The following THSD4 variants were observed in gnomAD, a reference collection of about 807,000 sequenced individuals.
THSD4 encodes the protein thrombospondin type 1 domain containing 4.
A neutral mutation model predicts 119.0 loss-of-function variants in THSD4; 69 were observed. That is an observed-to-expected ratio of 0.58 (90% CI 0.48 to 0.71). The LOEUF (loss-of-function observed/expected upper bound fraction) is 0.71, where lower values mean the gene tolerates loss of function less well. THSD4 is among the 30% of genes least tolerant of loss of function. THSD4 has a pLI of 0.00. For missense variants in THSD4, 1,393 were observed against 1,391.1 expected (o/e 1.00, Z -0.02); for synonymous variants, 524 against 540.4 (o/e 0.97, Z 0.42).
At chr15:71,445,046 C>T (rs536002672) in intron 7 of THSD4, among the ~76,000 whole-genome samples, 1 of 152,258 alleles carries the variant, frequency 6.6e-6, no homozygotes, top group African/African-American at 2.4e-5. Flanking sequence ...ACGTACAGCT[C>T]TCTGAATAGG....
At chr15:71,751,938 G>A (rs1053116727) in intron 14 of THSD4, among the ~76,000 whole-genome samples, 18 of 152,170 alleles carry the variant, frequency 1.2e-4, no homozygotes, top group African/African-American at 3.4e-4. Flanking sequence ...TAGTGGGGGC[G>A]TGGAATCATG....
chr15:71,628,335 G>C (rs1345362339), intron 7 of THSD4, among the ~76,000 whole-genome samples: 1 of 152,186 alleles, frequency 6.6e-6, no homozygotes, highest in East Asian at 1.9e-4. Context: ...TAACTGGATA[G>C]TTTTATGTTC....
intron 6 of THSD4, among the ~76,000 whole-genome samples, chr15:71,407,362 A>G (rs560579708): frequency 6.6e-6 from 1 of 152,142 alleles, no homozygotes; most frequent in South Asian, 2.1e-4. Flanking sequence ...AGTCATTACA[A>G]TGAGTCCTTC....
chr15:71,323,608 G>T (rs1423082800), intron 6 of THSD4, among the ~76,000 whole-genome samples: 2 of 152,182 alleles, frequency 1.3e-5, no homozygotes, highest in East Asian at 1.9e-4. Context: ...ATTAACTTGA[G>T]TGGGTGTCCC....
chr15:71,702,953 C>T (rs1469356479), intron 8 of THSD4, among the ~76,000 whole-genome samples: 2 of 151,624 alleles, frequency 1.3e-5, no homozygotes, highest in South Asian at 2.1e-4. Flanking sequence ...GCAAATCTGA[C>T]ACCTAGTTTT....
intron 1 of THSD4, among the ~76,000 whole-genome samples, chr15:71,098,153 T>C (rs899689529): frequency 6.6e-6 from 1 of 151,068 alleles, no homozygotes; most frequent in South Asian, 2.1e-4. Flanking sequence ...AGTTCTTCTA[T>C]AACCTGAATA....
chr15:71,677,901 A>G (rs1454069364), intron 8 of THSD4, among the ~76,000 whole-genome samples: 1 of 152,230 alleles, frequency 6.6e-6, no homozygotes, highest in African/African-American at 2.4e-5. Flanking sequence ...TGCAGGAAAC[A>G]GTTGCTGAGC....
At chr15:71,391,878 T>C (rs2046383709) in intron 6 of THSD4, among the ~76,000 whole-genome samples, 1 of 152,128 alleles carries the variant, frequency 6.6e-6, no homozygotes, top group Non-Finnish European at 1.5e-5. Flanking sequence ...AGGTGGCTGT[T>C]TGCAAGAACC....
chr15:71,672,683 A>G (rs185758605), intron 8 of THSD4, among the ~76,000 whole-genome samples: 1 of 152,216 alleles, frequency 6.6e-6, no homozygotes, highest in East Asian at 1.9e-4. Flanking sequence ...GTTTATTGAG[A>G]GTTTTTAGCA....
At chr15:71,510,564 C>T (rs1375500130) in intron 7 of THSD4, among the ~76,000 whole-genome samples, 1 of 152,146 alleles carries the variant, frequency 6.6e-6, no homozygotes, top group East Asian at 1.9e-4. Context: ...AGGACGTCTA[C>T]AGAGTGACCT....
intron 6 of THSD4, among the ~76,000 whole-genome samples, chr15:71,317,665 G>A (rs981411292): frequency 6.6e-6 from 1 of 152,168 alleles, no homozygotes; most frequent in African/African-American, 2.4e-5. Context: ...GTACCCTTTG[G>A]GAAGTTCGTT....
chr15:71,727,921 G>T (rs1438144141), intron 8 of THSD4, among the ~76,000 whole-genome samples: 1 of 151,844 alleles, frequency 6.6e-6, no homozygotes, highest in East Asian at 1.9e-4. Flanking sequence ...ACAGGGAGGG[G>T]TGGGGACTGG....
chr15:71,331,869 T>C (rs1482760108), intron 6 of THSD4, among the ~76,000 whole-genome samples: 2 of 136,152 alleles, frequency 1.5e-5, no homozygotes, highest in Admixed American at 7.8e-5. Context: ...GAACTTCAGC[T>C]TTTTCATCTG....
At chr15:71,651,255 C>T (rs1406523294) in intron 7 of THSD4, among the ~76,000 whole-genome samples, 1 of 152,172 alleles carries the variant, frequency 6.6e-6, no homozygotes, top group Non-Finnish European at 1.5e-5. Flanking sequence ...TGTTGGTGGG[C>T]CCTTGCCCTC....
At chr15:71,442,695 T>TATATATATAC (rs2047126400) in intron 7 of THSD4, among the ~76,000 whole-genome samples, 24 of 118,424 alleles carry the variant, frequency 2.0e-4, no homozygotes, top group African/African-American at 6.5e-4. Flanking sequence ...TATATATATA[T>TATATATATAC]ATATATATGA....
chr15:71,467,179 A>C lies in THSD4; in HGVS notation c.1152+55356A>C, dbSNP rs1000721813. Among the ~76,000 whole-genome samples the C allele has an allele frequency of 2.6e-5, 4 of 152,336 alleles. No homozygotes were observed. In the East Asian group the frequency reaches 5.8e-4, roughly 22 times the overall value. On this transcript the variant is annotated intron_variant, in intron 7 of 17. Transcript: ENST00000261862. ...TATTTTCCACAAAAGTCCACATGGC[A>C]TGAGTTAACTTGTCATGAATTGACT...
chr15:71,148,474 G>T (rs905747252), intron 2 of THSD4, among the ~76,000 whole-genome samples: 1 of 152,214 alleles, frequency 6.6e-6, no homozygotes, highest in Non-Finnish European at 1.5e-5. Context: ...CTTAAGCTCA[G>T]ATGAATTTGT....
intron 8 of THSD4, among the ~76,000 whole-genome samples, chr15:71,697,825 T>C (rs1414269475): frequency 6.6e-6 from 1 of 152,180 alleles, no homozygotes; most frequent in Non-Finnish European, 1.5e-5. Flanking sequence ...TTACAAAATA[T>C]AAATTCATTT....
chr15:71,572,622 A>C (rs762825442), intron 7 of THSD4, among the ~76,000 whole-genome samples: 2 of 152,014 alleles, frequency 1.3e-5, no homozygotes, highest in Non-Finnish European at 2.9e-5. Context: ...ATTAGGAGCC[A>C]CCCCCTTGAA....
Sources: gnomAD v4.1 joint callset for allele counts (sites outside exome capture counted in the v4.1 genomes callset) on GRCh38, gnomAD v4.1.1 for gene constraint, MANE v1.5 for transcripts, NCBI Gene and HGNC (gene_info 2026-07-23, HGNC 2026-07-21) for gene names.